Variants in FAM222B observed in about 807,000 individuals in gnomAD.
FAM222B encodes protein FAM222B.
A neutral mutation model predicts 38.0 loss-of-function variants in FAM222B; 12 were observed. That is an observed-to-expected ratio of 0.32 (90% confidence interval 0.20 to 0.51). FAM222B has a LOEUF of 0.51. Ranked by LOEUF, FAM222B falls within the 20% of genes least tolerant of loss-of-function variation. The pLI, the probability that FAM222B is intolerant of heterozygous loss-of-function variation, is 0.97. For synonymous variants in FAM222B, 329 were observed against 317.2 expected (o/e 1.04, Z -0.40); for missense variants, 716 against 754.2 (o/e 0.95, Z 0.59).
chr17:28,853,278 C>T (rs529202509), intron 1 of FAM222B, among the ~76,000 whole-genome samples: 16 of 151,384 alleles, frequency 1.1e-4, no homozygotes, highest in Admixed American at 2.0e-4. Context: ...GTGGGAGGAA[C>T]GCTTGAGACT....
At chr17:28,796,339 C>T (rs989446209) in intron 1 of FAM222B, among the ~76,000 whole-genome samples, 42 of 152,234 alleles carry the variant, frequency 2.8e-4, no homozygotes, top group Admixed American at 3.9e-4. Flanking sequence ...TGAAATTGCT[C>T]TCATGGTTTC....
chr17:28,828,405 A>G (rs993372681), intron 1 of FAM222B, among the ~76,000 whole-genome samples: 18 of 151,792 alleles, frequency 1.2e-4, no homozygotes, highest in African/African-American at 3.9e-4. Flanking sequence ...TCTAAAAAAA[A>G]ATACCCACAA....
intron 1 of FAM222B, among the ~76,000 whole-genome samples, chr17:28,779,124 C>G (rs2151833468): frequency 6.6e-6 from 1 of 152,166 alleles, no homozygotes; most frequent in Admixed American, 6.6e-5. Flanking sequence ...CAATTCTTCT[C>G]AAACTCTTCC....
At chr17:28,773,248 G>A (rs976664183) in intron 1 of FAM222B, among the ~76,000 whole-genome samples, 4 of 151,974 alleles carry the variant, frequency 2.6e-5, no homozygotes, top group African/African-American at 4.8e-5. Context: ...AGGCCAAGAC[G>A]GGTGGATTAC....
rs1404013117 is a variant in FAM222B, at chr17:28,783,154, AC to A, written c.-40-16448del. 6.6e-5 allele frequency among the ~76,000 whole-genome samples: 10 copies of A among 151,982 alleles called. No individual in the cohort carries two copies. The South Asian group carries it at 1.0e-3, about 16-fold the overall frequency. On this transcript the variant is annotated intron_variant, in intron 1 of 2. Transcript: ENST00000581407. Reference sequence around the variant, plus strand: ...CCCTGTCTCAAAAAAAAAAAAAAAAACAAACTCATTCCTAGACTGTCTAGTT... The same window carrying A: ...CCCTGTCTCAAAAAAAAAAAAAAAAAAAACTCATTCCTAGACTGTCTAGTT...
At chr17:28,764,046 G>A (rs2151773382) in intron 2 of FAM222B, among the ~76,000 whole-genome samples, 1 of 152,228 alleles carries the variant, frequency 6.6e-6, no homozygotes, top group Non-Finnish European at 1.5e-5. Flanking sequence ...TATTCAAACA[G>A]TAAATATTTA....
At chr17:28,761,829 C>T (rs1247162847) in intron 2 of FAM222B, among the ~76,000 whole-genome samples, 1 of 152,172 alleles carries the variant, frequency 6.6e-6, no homozygotes, top group East Asian at 1.9e-4. Flanking sequence ...CTCAAGACAT[C>T]AGAATTCCAA....
chr17:28,758,504 G>C lies in FAM222B; in HGVS notation c.1455C>G (p.Leu485=), dbSNP rs760838516. 1 of 1,612,262 alleles carries C rather than the reference G, an allele frequency of 6.2e-7. No homozygotes were observed. ...FHGGQPTGAP[L]DCAAAPGAHY... ...GGGCCCCGGGAGCTGCCGCACAGTCGAGGGGTGCACCTGTGGGCTGCCCAC... is the reference window on the plus strand; with the variant it reads ...GGGCCCCGGGAGCTGCCGCACAGTCCAGGGGTGCACCTGTGGGCTGCCCAC... The change falls in exon 3 of 3, where the codon CTC becomes CTG. Residue 485 remains leucine, a synonymous_variant. Coordinates refer to ENST00000581407, the MANE Select transcript of FAM222B (RefSeq NM_001077498.3).
chr17:28,783,700 A>G (rs1334554998), intron 1 of FAM222B, among the ~76,000 whole-genome samples: 4 of 152,072 alleles, frequency 2.6e-5, no homozygotes, highest in African/African-American at 9.7e-5. Context: ...TAGTAGAGAC[A>G]GGGTTTCACC....
chr17:28,803,721 T>C (rs2037345138), intron 1 of FAM222B, among the ~76,000 whole-genome samples: 1 of 152,106 alleles, frequency 6.6e-6, no homozygotes, highest in Admixed American at 6.6e-5. Flanking sequence ...GGCTCACGCC[T>C]GTAATCCCAG....
chr17:28,808,809 G>A (rs2037609901), intron 1 of FAM222B, among the ~76,000 whole-genome samples: 1 of 152,174 alleles, frequency 6.6e-6, no homozygotes, highest in Non-Finnish European at 1.5e-5. Context: ...AATTGACAGA[G>A]CATTCTCAGA....
chr17:28,770,643 G>A (rs573878271), intron 1 of FAM222B, among the ~76,000 whole-genome samples: 11 of 151,242 alleles, frequency 7.3e-5, no homozygotes, highest in South Asian at 4.2e-4. Context: ...CCTTCTCGGC[G>A]GCTACAATGC....
At chr17:28,794,087 C>T (rs566293594) in intron 1 of FAM222B, among the ~76,000 whole-genome samples, 1 of 152,124 alleles carries the variant, frequency 6.6e-6, no homozygotes, top group African/African-American at 2.4e-5. Context: ...TGAAGATATC[C>T]AAGGAAACTG....
chr17:28,845,452 G>A (rs368309349), upstream of FAM222B, among the ~76,000 whole-genome samples: 7 of 148,698 alleles, frequency 4.7e-5, no homozygotes, highest in Non-Finnish European at 7.4e-5. Flanking sequence ...GGTGGTGGGC[G>A]CCTGTAGTCC....
chr17:28,835,228 G>A (rs2038802935), intron 1 of FAM222B, among the ~76,000 whole-genome samples: 1 of 151,848 alleles, frequency 6.6e-6, no homozygotes, highest in Non-Finnish European at 1.5e-5. Context: ...GTAGAGACGG[G>A]GTCTCACCAT....
At chr17:28,829,328 C>A (rs1432851380) in intron 1 of FAM222B, among the ~76,000 whole-genome samples, 2 of 151,902 alleles carry the variant, frequency 1.3e-5, no homozygotes, top group African/African-American at 4.8e-5. Flanking sequence ...TGCGCCACCA[C>A]GCCCAGCTAA....
intron 1 of FAM222B, among the ~76,000 whole-genome samples, chr17:28,775,886 A>G (rs1294182605): frequency 1.3e-5 from 2 of 151,102 alleles, no homozygotes; most frequent in Admixed American, 1.3e-4. Context: ...ATCTCCAAAA[A>G]AAAAAACAAA....
intron 1 of FAM222B, among the ~76,000 whole-genome samples, chr17:28,768,965 C>T (rs1364283136): frequency 2.0e-5 from 3 of 150,382 alleles, no homozygotes; most frequent in African/African-American, 7.3e-5. Flanking sequence ...AGAGAATTAA[C>T]AAGTACTGGG....
intron 1 of FAM222B, chr17:28,812,417 C>A (rs1353757184): frequency 6.6e-6 from 1 of 152,388 alleles, no homozygotes; most frequent in Non-Finnish European, 1.5e-5. Context: ...TGCGCCGACA[C>A]CCCCTCCCCC....
Sources: gnomAD v4.1 joint callset for allele counts (sites outside exome capture counted in the v4.1 genomes callset) on GRCh38, gnomAD v4.1.1 for gene constraint, MANE v1.5 for transcripts, NCBI Gene and HGNC (gene_info 2026-07-23, HGNC 2026-07-21) for gene names.